ZSCAN25: variants seen among roughly 807,000 people sequenced by gnomAD.
ZSCAN25 encodes zinc finger and SCAN domain containing 25.
In ZSCAN25, 27 loss-of-function variants were observed where a neutral mutation model predicts 38.7. That is an observed-to-expected ratio of 0.70 (90% CI 0.51 to 0.96). The LOEUF (loss-of-function observed/expected upper bound fraction) is 0.96. ZSCAN25 is among the 40% of genes least tolerant of loss of function. ZSCAN25 has a pLI of 0.00. For missense variants in ZSCAN25, 637 were observed against 705.9 expected (o/e 0.90, Z 1.11); for synonymous variants, 273 against 277.7 (o/e 0.98, Z 0.17).
At chr7:99,623,526 A>G (rs1393587470) in intron 6 of ZSCAN25, among the ~76,000 whole-genome samples, 5 of 152,216 alleles carry the variant, frequency 3.3e-5, no homozygotes, top group Non-Finnish European at 7.3e-5. Flanking sequence ...GTTTGGCAGA[A>G]AAAAGAAGGG....
chr7:99,656,548 T>G, the ZSCAN25 span, among the ~76,000 whole-genome samples: 1 of 152,214 alleles, frequency 6.6e-6, no homozygotes, highest in African/African-American at 2.4e-5. Flanking sequence ...TTCTCTTTTT[T>G]GGTTGTGTCT....
chr7:99,678,857 G>A, the ZSCAN25 span, among the ~76,000 whole-genome samples: 1 of 152,166 alleles, frequency 6.6e-6, no homozygotes, highest in Non-Finnish European at 1.5e-5. Context: ...TGAGGTAGAA[G>A]TTAATGGGAC....
chr7:99,705,390 T>C, the ZSCAN25 span: 1 of 1,235,378 alleles, frequency 8.1e-7, no homozygotes. Context: ...ATGCAGCACA[T>C]TGGATGAAGC....
chr7:99,672,891 A>G, the ZSCAN25 span: 1 of 1,374,518 alleles, frequency 7.3e-7, no homozygotes, highest in Non-Finnish European at 9.4e-7. Context: ...ATGAAGGGTA[A>G]TGTGGTCCAA....
chr7:99,676,019 C>T, the ZSCAN25 span: 5 of 1,051,336 alleles, frequency 4.8e-6, no homozygotes, highest in African/African-American at 1.6e-5. Context: ...AATGTGAAAC[C>T]TCAGAACTCC....
At chr7:99,733,751 C>A in the ZSCAN25 span, among the ~76,000 whole-genome samples, 1 of 152,202 alleles carries the variant, frequency 6.6e-6, no homozygotes, top group Non-Finnish European at 1.5e-5. Flanking sequence ...GGAATATTTT[C>A]TCACTTCATC....
In ZSCAN25 at chr7:99,629,281, C is replaced by T. The variant is rs1272869157; in HGVS notation, c.896C>T (p.Ala299Val). 1.2e-6 allele frequency: 2 copies of T among 1,614,152 alleles called. No homozygotes were observed. Among genetic ancestry groups the T allele is most frequent in the East Asian group, 2.2e-5 (1 of 44,876 alleles). ...CTGACATCAGAGAGGTTTGGGGAAGCCTCTCTCCAGGGCCCTGGGCTCGGA... is the reference window on the plus strand; with the variant it reads ...CTGACATCAGAGAGGTTTGGGGAAGTCTCTCTCCAGGGCCCTGGGCTCGGA... Reference protein sequence around the residue: ...VALTSERFGEASLQGPGLGRV... With the variant: ...VALTSERFGEVSLQGPGLGRV... Residue 299 changes from alanine to valine, a missense_variant, in exon 8 of 8, where the codon GCC becomes GTC. Transcript: ENST00000394152. The surrounding 1 kb of genome is among the most constrained non-coding windows in gnomAD (Gnocchi z 5.6).
chr7:99,673,257 G>C, the ZSCAN25 span, among the ~76,000 whole-genome samples: 1 of 152,080 alleles, frequency 6.6e-6, no homozygotes, highest in Non-Finnish European at 1.5e-5. Flanking sequence ...GGACTTGAGG[G>C]GAGAAGATGA....
the ZSCAN25 span, chr7:99,638,901 A>G: frequency 1.8e-6 from 1 of 542,722 alleles, no homozygotes; most frequent in Admixed American, 3.1e-5. Flanking sequence ...CTAAGGGCAG[A>G]GGCCCAGGCC....
chr7:99,714,974 G>A, the ZSCAN25 span, among the ~76,000 whole-genome samples: 1 of 152,138 alleles, frequency 6.6e-6, no homozygotes, highest in East Asian at 1.9e-4. Flanking sequence ...TATGTATTGG[G>A]CTAGGGTCTC....
the ZSCAN25 span, among the ~76,000 whole-genome samples, chr7:99,686,021 G>T: frequency 5.3e-5 from 8 of 152,170 alleles, no homozygotes; most frequent in Admixed American, 4.6e-4. Flanking sequence ...CAAAACTCGG[G>T]GGGTGGAGCC....
intron 7 of ZSCAN25, among the ~76,000 whole-genome samples, chr7:99,626,684 T>C (rs1807496776): frequency 6.6e-6 from 1 of 152,176 alleles, no homozygotes; most frequent in Non-Finnish European, 1.5e-5. Flanking sequence ...TTTGTTGACT[T>C]TGAGATCTAA....
Position 99,629,704 on chromosome 7 carries a change from T to C in ZSCAN25, c.1319T>C (p.Phe440Ser). Residue 440 changes from phenylalanine (F) to serine (S), a missense_variant, in exon 8 of 8, where the codon TTC becomes TCC. Transcript: ENST00000394152. This position sits in a 1 kb window ranked among gnomAD's most constrained non-coding sequence, Gnocchi z 5.6. ...AAGTGCGGGGACTGCTGGAAGAGCT[T>C]CAGCCGCAGGCAGCACCTGCAGGTG... ...PYKCGDCWKS[F>S]SRRQHLQVHR... 6.2e-7 allele frequency: 1 copy of C among 1,614,072 alleles called. No individual in the cohort carries two copies. Among genetic ancestry groups the C allele is most frequent in the Non-Finnish European group, 8.5e-7 (1 of 1,180,014 alleles).
At chr7:99,660,214 C>CTTTTTTTTTTTTTTTTTTTT in the ZSCAN25 span, 2 of 424,270 alleles carry the variant, frequency 4.7e-6, no homozygotes, top group Admixed American at 1.2e-4. Context: ...CGCCACACTC[C>CTTTTTTTTTTTTTTTTTTTT]TTTTTTTTTT....
chr7:99,696,649 T>C, the ZSCAN25 span, among the ~76,000 whole-genome samples: 1 of 152,208 alleles, frequency 6.6e-6, no homozygotes, highest in Non-Finnish European at 1.5e-5. Flanking sequence ...TTCCAGGACA[T>C]TCCTCCTCTT....
chr7:99,707,798 G>C, the ZSCAN25 span: 3 of 1,613,666 alleles, frequency 1.9e-6, no homozygotes, highest in Non-Finnish European at 2.5e-6. Context: ...TATTAATGCA[G>C]AAAATTGACT....
At chr7:99,715,132 G>T in the ZSCAN25 span, among the ~76,000 whole-genome samples, 1 of 152,152 alleles carries the variant, frequency 6.6e-6, no homozygotes, top group African/African-American at 2.4e-5. Flanking sequence ...TCACACATAC[G>T]TGGAAGTTAA....
chr7:99,722,400 C>T, the ZSCAN25 span: 3 of 1,598,934 alleles, frequency 1.9e-6, no homozygotes, highest in Non-Finnish European at 2.6e-6. Flanking sequence ...TGTACTTAAC[C>T]CTGCCTCTAA....
chr7:99,720,295 C>CA, the ZSCAN25 span: 3 of 1,611,372 alleles, frequency 1.9e-6, no homozygotes, highest in Non-Finnish European at 2.5e-6. Context: ...ATTTTAATTT[C>CA]AAAAAATGGA....
Sources: gnomAD v4.1 joint callset for allele counts (sites outside exome capture counted in the v4.1 genomes callset) on GRCh38, gnomAD v4.1.1 for gene constraint, Gnocchi (gnomAD v3.1) non-coding constraint, MANE v1.5 for transcripts, NCBI Gene and HGNC (gene_info 2026-07-23, HGNC 2026-07-21) for gene names.